Variants in AP1G1 observed in about 807,000 individuals in gnomAD.
The protein encoded by AP1G1 is adaptor related protein complex 1 subunit gamma 1.
AP1G1 carries 7 observed loss-of-function variants against 108.3 expected under a neutral mutation model. The observed-to-expected ratio is 0.06, with a 90% confidence interval of 0.04 to 0.12. The LOEUF (loss-of-function observed/expected upper bound fraction) is 0.12, where lower values mean the gene tolerates loss of function less well. Among genes scored for constraint, AP1G1 ranks in the 10% least tolerant of loss-of-function variants. AP1G1 has a pLI of 1.00. For synonymous variants in AP1G1, 379 were observed against 353.5 expected (o/e 1.07, Z -0.81); for missense variants, 756 against 1,010.7 (o/e 0.75, Z 3.42).
intron 13 of AP1G1, among the ~76,000 whole-genome samples, chr16:71,751,595 G>A (rs2030511926): frequency 6.6e-6 from 1 of 152,088 alleles, no homozygotes; most frequent in Admixed American, 6.6e-5. Flanking sequence ...TAAAAAGCAG[G>A]TAATTTGCAG....
chr16:71,743,804 G>T (rs1210120300), intron 19 of AP1G1, among the ~76,000 whole-genome samples: 1 of 151,488 alleles, frequency 6.6e-6, no homozygotes, highest in African/African-American at 2.4e-5. Context: ...AAATTAGCCA[G>T]GCGCAGTAGC....
Position 71,732,048 on chromosome 16 carries a change from G to C in AP1G1, c.*1010C>G, listed in dbSNP as rs1431650589. ...TGACTCCAATACTCACTCTTCCTAA[G>C]GGCAAAGGTACTTTTGATACAGAGT... On this transcript the variant is annotated 3_prime_UTR_variant, in exon 23 of 23. Coordinates refer to ENST00000299980, the MANE Select transcript of AP1G1 (RefSeq NM_001128.6). 1.3e-5 allele frequency: 2 copies of C among 152,440 alleles called. No individual in the cohort carries two copies. Among genetic ancestry groups the C allele is most frequent in the African/African-American group, 2.4e-5 (1 of 41,438 alleles). The allele number at this position is 152,440 out of a possible 1,614,324, so 9.4% of individuals were successfully genotyped here.
At chr16:71,791,816 C>T (rs2032412985) in intron 1 of AP1G1, among the ~76,000 whole-genome samples, 1 of 136,870 alleles carries the variant, frequency 7.3e-6, no homozygotes, top group Non-Finnish European at 1.5e-5. Context: ...GGCTGGAGTG[C>T]AATGGCGCAA....
intron 4 of AP1G1, among the ~76,000 whole-genome samples, chr16:71,772,124 T>C (rs2031595861): frequency 4.4e-5 from 2 of 45,272 alleles, no homozygotes; most frequent in South Asian, 4.1e-3. Flanking sequence ...AAATATCTTT[T>C]TTTCTTTTCT....
chr16:71,784,501 A>T (rs1311580011), intron 2 of AP1G1, among the ~76,000 whole-genome samples: 1 of 152,198 alleles, frequency 6.6e-6, no homozygotes, highest in Admixed American at 6.5e-5. Flanking sequence ...TTTAATGTAG[A>T]TGCTGGTAGT....
At chr16:71,735,361 G>T (rs1459726990) in intron 21 of AP1G1, among the ~76,000 whole-genome samples, 1 of 152,148 alleles carries the variant, frequency 6.6e-6, no homozygotes, top group Non-Finnish European at 1.5e-5. Context: ...CTTGCTTATA[G>T]AAATAAGAGT....
chr16:71,791,990 G>A lies in AP1G1; in HGVS notation c.-3-2508C>T, dbSNP rs146402700. Among the ~76,000 whole-genome samples the A allele has an allele frequency of 4.3e-3, 659 of 152,124 alleles. 10 individuals carry two copies. Among genetic ancestry groups the A allele is most frequent in the African/African-American group, 0.015 (638 of 41,484 alleles). On this transcript the variant is annotated intron_variant, in intron 1 of 22. Transcript: ENST00000299980. ...TTGGTCAGGTTGGTCTCGAACTCCTGACCTCAGGTGATCCACCCGCCTTGG... is the reference window on the plus strand; with the variant it reads ...TTGGTCAGGTTGGTCTCGAACTCCTAACCTCAGGTGATCCACCCGCCTTGG...
chr16:71,764,301 T>A, intron 9 of AP1G1, 49 bp downstream of exon 9: 1 of 1,164,944 alleles, frequency 8.6e-7, no homozygotes. Context: ...AAGTCAACCA[T>A]TCTAAGTGAA....
intron 9 of AP1G1, among the ~76,000 whole-genome samples, chr16:71,762,042 A>G (rs920502396): frequency 1.3e-5 from 2 of 152,022 alleles, no homozygotes; most frequent in East Asian, 3.9e-4. Context: ...GATCTGACAA[A>G]CAACTGTACA....
At chr16:71,804,381 T>C (rs1008926689) in intron 1 of AP1G1, among the ~76,000 whole-genome samples, 11 of 145,710 alleles carry the variant, frequency 7.5e-5, no homozygotes, top group African/African-American at 2.8e-4. Context: ...AGCCAAGAAA[T>C]ACAAAAGATT....
chr16:71,791,156 A>C (rs1445771155), intron 1 of AP1G1, among the ~76,000 whole-genome samples: 1 of 151,588 alleles, frequency 6.6e-6, no homozygotes, highest in African/African-American at 2.4e-5. Flanking sequence ...GGGAGGCAAG[A>C]CTGCAGTGAG....
At chr16:71,762,002 CCT>C (rs1279774411) in intron 9 of AP1G1, among the ~76,000 whole-genome samples, 7 of 151,756 alleles carry the variant, frequency 4.6e-5, no homozygotes, top group Non-Finnish European at 8.8e-5. Context: ...ATATATATTC[CCT>C]GTTTTATCAA....
chr16:71,769,503 T>C, intron 6 of AP1G1, 120 bp downstream of exon 6: 2 of 966,722 alleles, frequency 2.1e-6, no homozygotes, highest in Non-Finnish European at 3.3e-6. Context: ...GCAGGGCTAG[T>C]TAAATCCCTT....
chr16:71,773,025 G>T, intron 4 of AP1G1, 196 bp downstream of exon 4: 1 of 707,932 alleles, frequency 1.4e-6, no homozygotes, highest in Non-Finnish European at 2.5e-6. Context: ...GATATATCCA[G>T]TAACATTTGT....
At chr16:71,800,617 T>C (rs1022641645) in intron 1 of AP1G1, among the ~76,000 whole-genome samples, 2 of 150,346 alleles carry the variant, frequency 1.3e-5, no homozygotes, top group Non-Finnish European at 2.9e-5. Flanking sequence ...CTGGCTAACA[T>C]GGTGAAACCC....
Position 71,732,650 on chromosome 16 carries a change from G to T in AP1G1, c.*408C>A, listed in dbSNP as rs150332902. ...TACCCCACCTTGCCCAGTCCACAGA[G>T]AAACAACAGTAGAAAGAAGGGGCAA... is the stretch of plus-strand genomic sequence containing the variant. On this transcript the variant is annotated 3_prime_UTR_variant, in exon 23 of 23. Coordinates refer to ENST00000299980, the MANE Select transcript of AP1G1 (RefSeq NM_001128.6). 2.7e-4 allele frequency: 43 copies of T among 160,104 alleles called. 2 individuals are homozygous for T. The East Asian group carries it at 7.6e-3, about 28-fold the overall frequency. The allele number at this position is 160,104 out of a possible 1,614,324, so 9.9% of individuals were successfully genotyped here. A position where few individuals can be genotyped will look rare whatever the true frequency, so the allele number is the denominator to read the frequency against.
chr16:71,789,473 C>T lies in AP1G1; in HGVS notation c.7G>A (p.Ala3Thr), dbSNP rs928967350. ...ATCAGCTCCCGCAATCTGATGGGGG[C>T]TGGCATCCTCTGGATATGGAAAGAC... Reference protein sequence around the residue: MPAPIRLRELIRT... With the variant: MPTPIRLRELIRT... Residue 3 changes from alanine to threonine, a missense_variant, in exon 2 of 23, where the codon GCC becomes ACC. By Grantham distance (58) the Ala-to-Thr change is moderately conservative. This residue lies in a region of AP1G1 where 304 missense variants were observed against 483.6 expected (regional missense o/e 0.63). Transcript: ENST00000299980. 4.3e-6 allele frequency: 7 copies of T among 1,613,958 alleles called. No individual in the cohort carries two copies. The highest frequency in any genetic ancestry group is 3.3e-5 in the Admixed American group (2 of 59,994).
chr16:71,791,252 A>C (rs1025248880), intron 1 of AP1G1, among the ~76,000 whole-genome samples: 4 of 151,892 alleles, frequency 2.6e-5, no homozygotes, highest in African/African-American at 9.7e-5. Context: ...AAAAACAAAA[A>C]CAAAAAATCC....
At chr16:71,804,754 C>T (rs560299066) in intron 1 of AP1G1, among the ~76,000 whole-genome samples, 8 of 152,266 alleles carry the variant, frequency 5.3e-5, no homozygotes, top group African/African-American at 1.7e-4. Context: ...TGGTGGCACA[C>T]ACCTTTAATA....
Sources: allele counts gnomAD v4.1 joint callset (sites outside exome capture counted in the v4.1 genomes callset), GRCh38; gene constraint gnomAD v4.1.1; regional missense constraint gnomAD v4.1.1; transcripts MANE v1.5; gene names NCBI Gene and HGNC (gene_info 2026-07-23, HGNC 2026-07-21).